GALNT13: variants seen among roughly 807,000 people sequenced by gnomAD.
The protein encoded by GALNT13 is polypeptide N-acetylgalactosaminyltransferase 13.
In GALNT13, 28 loss-of-function variants were observed where a neutral mutation model predicts 64.2. That is an observed-to-expected ratio of 0.44 (90% confidence interval 0.32 to 0.60). The LOEUF is 0.60. GALNT13 is among the 20% of genes least tolerant of loss of function. The pLI, the probability that GALNT13 is intolerant of heterozygous loss-of-function variation, is 0.05. For synonymous variants in GALNT13, 214 were observed against 224.6 expected (o/e 0.95, Z 0.42); for missense variants, 577 against 669.8 (o/e 0.86, Z 1.53).
At chr2:154,414,829 A>C (rs1188432138) in intron 11 of GALNT13, among the ~76,000 whole-genome samples, 1 of 151,912 alleles carries the variant, frequency 6.6e-6, no homozygotes, top group Non-Finnish European at 1.5e-5. Context: ...ATATATTAAA[A>C]CCAATGTTTG....
the GALNT13 span, among the ~76,000 whole-genome samples, chr2:153,209,983 T>TG: frequency 6.6e-6 from 1 of 152,094 alleles, no homozygotes; most frequent in Non-Finnish European, 1.5e-5. Flanking sequence ...AGTATATAAT[T>TG]ATATTTGAAT....
chr2:154,298,532 G>GTATATATTTATATATAAAATT (rs1693099403), intron 8 of GALNT13, among the ~76,000 whole-genome samples: 1 of 51,756 alleles, frequency 1.9e-5, no homozygotes. Flanking sequence ...ATATAAAATT[G>GTATATATTTATATATAAAATT]TATATATTTA....
At chr2:153,872,518 C>CGGGGCTGCAGGTGTTGCGGG (rs1375406223) in intron 1 of GALNT13, among the ~76,000 whole-genome samples, 6 of 150,168 alleles carry the variant, frequency 4.0e-5, no homozygotes, top group East Asian at 2.0e-4. Context: ...CGCTCGCTTG[C>CGGGGCTGCAGGTGTTGCGGG]GGGGCTGCAG....
At chr2:153,216,919 T>C in the GALNT13 span, among the ~76,000 whole-genome samples, 1 of 152,018 alleles carries the variant, frequency 6.6e-6, no homozygotes, top group Admixed American at 6.6e-5. Context: ...CTTATAGAAA[T>C]CTTATAGTTT....
At chr2:154,123,484 A>G (rs1019531056) in intron 3 of GALNT13, among the ~76,000 whole-genome samples, 68 of 151,958 alleles carry the variant, frequency 4.5e-4, no homozygotes, top group Non-Finnish European at 7.4e-5. Context: ...ATAGAAAATT[A>G]TTAAATATAT....
chr2:154,342,481 T>A (rs943991952), intron 9 of GALNT13, among the ~76,000 whole-genome samples: 1 of 152,076 alleles, frequency 6.6e-6, no homozygotes, highest in Non-Finnish European at 1.5e-5. Flanking sequence ...TCTGCTTTTG[T>A]TTTGTTTTTT....
At chr2:154,073,433 A>G (rs1366031582) in intron 3 of GALNT13, among the ~76,000 whole-genome samples, 1 of 152,000 alleles carries the variant, frequency 6.6e-6, no homozygotes, top group African/African-American at 2.4e-5. Flanking sequence ...CAAACTTTCA[A>G]GTGACAATTT....
the GALNT13 span, among the ~76,000 whole-genome samples, chr2:153,277,712 C>G: frequency 6.6e-6 from 1 of 151,906 alleles, no homozygotes; most frequent in East Asian, 1.9e-4. Context: ...TCACCAGCAT[C>G]TGTTGCTTTT....
chr2:153,806,194 C>G, the GALNT13 span, among the ~76,000 whole-genome samples: 1 of 152,038 alleles, frequency 6.6e-6, no homozygotes, highest in South Asian at 2.1e-4. Context: ...CTTGTTATAC[C>G]AATTGGTAAT....
At chr2:153,739,372 T>C in the GALNT13 span, among the ~76,000 whole-genome samples, 1 of 151,400 alleles carries the variant, frequency 6.6e-6, no homozygotes, top group South Asian at 2.1e-4. Flanking sequence ...TATTTTTAGA[T>C]TCCGTAAAAA....
At chr2:154,093,059 A>T (rs1453766778) in intron 3 of GALNT13, among the ~76,000 whole-genome samples, 1 of 152,036 alleles carries the variant, frequency 6.6e-6, no homozygotes, top group Non-Finnish European at 1.5e-5. Context: ...TGAAATACTC[A>T]AAAGATTTCA....
At position 154,236,212 on chromosome 2, in the gene GALNT13, C is replaced by T; in HGVS notation, c.312-5818C>T. On this transcript the variant is annotated intron_variant, in intron 4 of 12. Transcript: ENST00000392825. Reference sequence around the variant, plus strand: ...TTCCTACTTTTATAAGATATAAACACACAAAGAGATGTTAACCTCATGCAT... The same window carrying T: ...TTCCTACTTTTATAAGATATAAACATACAAAGAGATGTTAACCTCATGCAT... 3.0e-6 allele frequency: 3 copies of T among 987,852 alleles called. No individual in the cohort carries two copies. The Admixed American group carries it at 1.5e-4, about 49-fold the overall frequency. The allele number at this position is 987,852 out of a possible 1,614,324, so 61.2% of individuals were successfully genotyped here. A position where few individuals can be genotyped will look rare whatever the true frequency, so the allele number is the denominator to read the frequency against.
the GALNT13 span, among the ~76,000 whole-genome samples, chr2:153,433,466 ATACTG>A: frequency 1.5e-4 from 23 of 152,296 alleles, 1 homozygote; most frequent in South Asian, 4.8e-3. Flanking sequence ...TTCTTATAGA[ATACTG>A]TACACGTTAA....
At position 154,351,386 on chromosome 2, in the gene GALNT13, A is replaced by G. The variant is rs558018791; in HGVS notation, c.1157-44605A>G. ...AAGAACTGAATTGAAAAAAAAATGC[A>G]ATAGACCAGAGCTCTGGCCGGGCAA... On this transcript the variant is annotated intron_variant, in intron 9 of 12. Coordinates refer to ENST00000392825, the MANE Select transcript of GALNT13 (RefSeq NM_052917.4). 6.6e-5 allele frequency among the ~76,000 whole-genome samples: 10 copies of G among 152,136 alleles called. No homozygotes were observed. The South Asian group carries it at 1.9e-3, about 28-fold the overall frequency.
At chr2:153,485,876 G>A in the GALNT13 span, among the ~76,000 whole-genome samples, 257 of 152,254 alleles carry the variant, frequency 1.7e-3, no homozygotes, top group African/African-American at 6.0e-3. Flanking sequence ...CTCTAGCCTC[G>A]GCGACAGAGC....
At chr2:153,137,695 T>C in the GALNT13 span, among the ~76,000 whole-genome samples, 1 of 151,368 alleles carries the variant, frequency 6.6e-6, no homozygotes, top group African/African-American at 2.4e-5. Flanking sequence ...ATACATGTTA[T>C]GTACTGACTA....
chr2:153,239,924 A>G, the GALNT13 span, among the ~76,000 whole-genome samples: 18 of 152,184 alleles, frequency 1.2e-4, no homozygotes, highest in Non-Finnish European at 2.2e-4. Flanking sequence ...TTCAGTAAAT[A>G]TCAGCAGTGA....
chr2:153,675,642 T>C, the GALNT13 span, among the ~76,000 whole-genome samples: 1 of 152,110 alleles, frequency 6.6e-6, no homozygotes, highest in Non-Finnish European at 1.5e-5. Flanking sequence ...TGTATACCTA[T>C]GTAACATACC....
At chr2:153,324,823 G>T in the GALNT13 span, among the ~76,000 whole-genome samples, 1 of 152,196 alleles carries the variant, frequency 6.6e-6, no homozygotes, top group East Asian at 1.9e-4. Flanking sequence ...TGCAATCCAG[G>T]AATAAAGCCA....
Sources: allele counts gnomAD v4.1 joint callset (sites outside exome capture counted in the v4.1 genomes callset), GRCh38; gene constraint gnomAD v4.1.1; transcripts MANE v1.5; gene names NCBI Gene and HGNC (gene_info 2026-07-23, HGNC 2026-07-21).